Variants in STYXL2 observed in about 807,000 individuals in gnomAD.
STYXL2 encodes serine/threonine/tyrosine interacting like 2.
In STYXL2, 44 loss-of-function variants were observed where a neutral mutation model predicts 52.4. The observed-to-expected ratio is 0.84, with a 90% confidence interval of 0.66 to 1.08. The LOEUF (loss-of-function observed/expected upper bound fraction) is 1.08. Among genes scored for constraint, STYXL2 ranks in the 50% least tolerant of loss-of-function variants. STYXL2 has a pLI of 0.00. For synonymous variants in STYXL2, 604 were observed against 586.9 expected (o/e 1.03, Z -0.42); for missense variants, 1,604 against 1,471.7 (o/e 1.09, Z -1.47).
chr1:167,104,358 C>G (rs1280358448), intron 2 of STYXL2, among the ~76,000 whole-genome samples: 1 of 152,132 alleles, frequency 6.6e-6, no homozygotes, highest in African/African-American at 2.4e-5. Context: ...TTCAAGACTT[C>G]GCAGTTTTGT....
At chr1:167,097,256 C>T (rs763063187) in intron 2 of STYXL2, among the ~76,000 whole-genome samples, 1 of 152,142 alleles carries the variant, frequency 6.6e-6, no homozygotes, top group Non-Finnish European at 1.5e-5. Context: ...AATTTGGTGG[C>T]TCTGGGACTG....
Position 167,128,217 on chromosome 1 carries a change from C to T in STYXL2, c.3086C>T (p.Thr1029Ile), listed in dbSNP as rs1340776254. Reference sequence around the variant, plus strand: ...TTCTCCAGGTCCACGTACAACGAGACCTCAAGTTCCCGAGAGGAGAGCCCA... The same window carrying T: ...TTCTCCAGGTCCACGTACAACGAGATCTCAAGTTCCCGAGAGGAGAGCCCA... Reference protein sequence around the residue: ...HKFSRSTYNETSSSREESPEP... With the variant: ...HKFSRSTYNEISSSREESPEP... Residue 1029 changes from threonine (T) to isoleucine (I), a missense_variant, in exon 6 of 6, where the codon ACC becomes ATC. Transcript: ENST00000361200. 4 of 1,614,198 alleles carry T rather than the reference C, an allele frequency of 2.5e-6. No individual in the cohort carries two copies. The highest frequency in any genetic ancestry group is 1.3e-5 in the African/African-American group (1 of 75,050).
At chr1:167,115,345 T>C (rs2102237075) in intron 3 of STYXL2, among the ~76,000 whole-genome samples, 1 of 151,680 alleles carries the variant, frequency 6.6e-6, no homozygotes, top group Middle Eastern at 3.4e-3. Context: ...CATCCGAGAG[T>C]GTAGGGGAGA....
At chr1:167,100,931 G>A (rs1242222647) in intron 2 of STYXL2, among the ~76,000 whole-genome samples, 2 of 152,172 alleles carry the variant, frequency 1.3e-5, no homozygotes, top group Non-Finnish European at 2.9e-5. Context: ...CATTTGCACA[G>A]GCTTTGGAGC....
At chr1:167,124,923 G>A (rs900328262) in intron 5 of STYXL2, among the ~76,000 whole-genome samples, 12 of 142,502 alleles carry the variant, frequency 8.4e-5, no homozygotes, top group African/African-American at 3.2e-4. Flanking sequence ...GAAATATCTT[G>A]CTCCATCCTG....
intron 2 of STYXL2, among the ~76,000 whole-genome samples, chr1:167,099,114 C>T (rs897734051): frequency 1.1e-4 from 17 of 151,314 alleles, no homozygotes; most frequent in African/African-American, 4.1e-4. Flanking sequence ...TTCAATTCAC[C>T]AAAAAGATAA....
chr1:167,116,365 A>G (rs16858486), intron 3 of STYXL2, among the ~76,000 whole-genome samples: 3,600 of 152,278 alleles, frequency 0.024, 176 homozygotes, highest in African/African-American at 0.082. Flanking sequence ...ACGTTTTGAG[A>G]TTAGAATGAG....
chr1:167,122,592 T>C (rs769295215), intron 5 of STYXL2, among the ~76,000 whole-genome samples: 2 of 151,804 alleles, frequency 1.3e-5, no homozygotes, highest in Non-Finnish European at 2.9e-5. Context: ...ATACTGAGAG[T>C]GTAGAGAATT....
chr1:167,097,411 A>G (rs1667310120), intron 2 of STYXL2, among the ~76,000 whole-genome samples: 1 of 152,216 alleles, frequency 6.6e-6, no homozygotes, highest in Admixed American at 6.5e-5. Flanking sequence ...TCTTTCCTAG[A>G]TATAGTTTTC....
intron 4 of STYXL2, among the ~76,000 whole-genome samples, chr1:167,117,908 C>T (rs978123747): frequency 3.3e-5 from 5 of 152,270 alleles, no homozygotes; most frequent in Non-Finnish European, 7.4e-5. Flanking sequence ...GAGCCATTGA[C>T]AATAATACTG....
At position 167,128,110 on chromosome 1, in the gene STYXL2, C is replaced by T. The variant is rs1668015800; in HGVS notation, c.2979C>T (p.Tyr993=). The change falls in exon 6 of 6, where the codon TAC becomes TAT. Residue 993 remains tyrosine (Y), a synonymous_variant. Transcript: ENST00000361200. ...SQSEEQDTSS[Y]HEANGNSVRS... Reference sequence around the variant, plus strand: ...CAGAGGAACAGGACACCTCCTCCTACCACGAGGCAAATGGCAACTCTGTAA... The same window carrying T: ...CAGAGGAACAGGACACCTCCTCCTATCACGAGGCAAATGGCAACTCTGTAA... The T allele has an allele frequency of 1.2e-6, 2 of 1,614,106 alleles. No individual in the cohort carries two copies. The highest frequency in any genetic ancestry group is 2.7e-5 in the African/African-American group (2 of 74,936).
rs1421352763 is a variant in STYXL2, at chr1:167,111,102, A to G, written c.111-2608A>G. 2.0e-5 allele frequency among the ~76,000 whole-genome samples: 3 copies of G among 152,132 alleles called. No individual in the cohort carries two copies. The East Asian group carries it at 5.8e-4, about 29-fold the overall frequency. ...TGAACAAAGCCTCCAAGAAATTTAGAATTATGTTAAATGACCAAACCTGAG... is the reference window on the plus strand; with the variant it reads ...TGAACAAAGCCTCCAAGAAATTTAGGATTATGTTAAATGACCAAACCTGAG... On this transcript the variant is annotated intron_variant, in intron 2 of 5. Coordinates refer to ENST00000361200, the MANE Select transcript of STYXL2 (RefSeq NM_001080426.3).
At chr1:167,113,863 AG>A in intron 3 of STYXL2, 59 bp downstream of exon 3, 7 of 1,351,932 alleles carry the variant, frequency 5.2e-6, no homozygotes, top group Non-Finnish European at 6.4e-6. Flanking sequence ...AGACCCTTAG[AG>A]GGGGGCCATT....
chr1:167,127,830 C>T lies in STYXL2; in HGVS notation c.2699C>T (p.Ser900Phe), dbSNP rs866894027. Residue 900 changes from serine to phenylalanine, a missense_variant, in exon 6 of 6, where the codon TCC (serine) becomes TTC (phenylalanine). Coordinates refer to ENST00000361200, the MANE Select transcript of STYXL2 (RefSeq NM_001080426.3). ...GCCATAGGGAGCTTCCGATATTCTT[C>T]CCGCAGTAATTCCCAGAAACCTGAA... ...DSAIGSFRYS[S>F]RSNSQKPETD... 1 of 1,613,796 alleles carries T rather than the reference C, an allele frequency of 6.2e-7. No individual in the cohort carries two copies. The highest frequency in any genetic ancestry group is 1.6e-4 in the Middle Eastern group (1 of 6,062).
At chr1:167,117,184 A>C (rs1667742653) in intron 3 of STYXL2, 144 bp from the exon 4 acceptor site, 1 of 714,402 alleles carries the variant, frequency 1.4e-6, no homozygotes, top group Non-Finnish European at 2.3e-6. Flanking sequence ...GGCCCAATTA[A>C]AGTCCTTCCT....
chr1:167,110,903 G>A (rs944401040), intron 2 of STYXL2, among the ~76,000 whole-genome samples: 5 of 152,194 alleles, frequency 3.3e-5, no homozygotes, highest in Admixed American at 2.6e-4. Context: ...TAAGCTATCA[G>A]GGTCTCCACC....
chr1:167,127,606 C>A lies in STYXL2; in HGVS notation c.2475C>A (p.Ser825Arg). 2 of 1,614,136 alleles carry A rather than the reference C, an allele frequency of 1.2e-6. No homozygotes were observed. The highest frequency in any genetic ancestry group is 1.7e-6 in the Non-Finnish European group (2 of 1,180,020). ...KVRGTSKPIFSLFADNVDLKE... is the reference protein window; with the variant it reads ...KVRGTSKPIFRLFADNVDLKE... The stretch of plus-strand genomic sequence containing the variant: ...GGGGGACCAGCAAGCCCATCTTCAG[C>A]CTCTTTGCTGACAATGTGGACCTAA... Residue 825 changes from serine to arginine, a missense_variant, in exon 6 of 6, where the codon AGC becomes AGA. Coordinates refer to ENST00000361200, the MANE Select transcript of STYXL2 (RefSeq NM_001080426.3).
Position 167,127,873 on chromosome 1 carries a change from C to G in STYXL2, c.2742C>G (p.Ser914=). 1.2e-6 allele frequency: 2 copies of G among 1,614,018 alleles called. No individual in the cohort carries two copies. The highest frequency in any genetic ancestry group is 1.7e-6 in the Non-Finnish European group (2 of 1,180,024). ...SQKPETDTCS[S]LAVCDHYASG... is the part of the protein sequence containing the mutation. ...AACCTGAAACAGACACATGCTCCTC[C>G]CTGGCTGTCTGTGATCACTATGCAA... The change falls in exon 6 of 6, where the codon TCC becomes TCG. Residue 914 remains serine (S), a synonymous_variant. Transcript: ENST00000361200.
Position 167,126,462 on chromosome 1 carries a change from G to A in STYXL2, c.1331G>A (p.Ser444Asn). 2 of 1,593,024 alleles carry A rather than the reference G, an allele frequency of 1.3e-6. No individual in the cohort carries two copies. Among genetic ancestry groups the A allele is most frequent in the Non-Finnish European group, 1.7e-6 (2 of 1,170,150 alleles). The change falls in exon 6 of 6, where the codon AGC (serine) becomes AAC (asparagine). Residue 444 changes from serine to asparagine, a missense_variant. Physicochemically the swap from Ser to Asn is conservative, Grantham distance 46. Transcript: ENST00000361200. ...LSESSAWESVSSHDIWVLKQQ... is the reference protein window; with the variant it reads ...LSESSAWESVNSHDIWVLKQQ... ...GAGAGCAGCGCCTGGGAGAGCGTGA[G>A]CAGCCACGACATCTGGGTCCTGAAG... is the stretch of plus-strand genomic sequence containing the variant.
Sources: gnomAD v4.1 joint callset for allele counts (sites outside exome capture counted in the v4.1 genomes callset) on GRCh38, gnomAD v4.1.1 for gene constraint, MANE v1.5 for transcripts, NCBI Gene and HGNC (gene_info 2026-07-23, HGNC 2026-07-21) for gene names.